The following VPS54 variants were observed in gnomAD, a reference collection of about 807,000 sequenced individuals.
VPS54 encodes VPS54 subunit of GARP complex.
VPS54 carries 45 observed loss-of-function variants against 121.5 expected under a neutral mutation model. The ratio of observed to expected loss-of-function variants is 0.37; its 90% CI spans 0.29 to 0.47. The LOEUF (loss-of-function observed/expected upper bound fraction) is 0.47. Ranked by LOEUF, VPS54 falls within the 20% of genes least tolerant of loss-of-function variation. The pLI, the probability that VPS54 is intolerant of heterozygous loss-of-function variation, is 0.99. For missense variants in VPS54, 1,090 were observed against 1,131.4 expected, an observed-to-expected ratio of 0.96 and a Z score of 0.52; for synonymous variants, 371 against 385.8, an observed-to-expected ratio of 0.96 and a Z score of 0.45.
intron 7 of VPS54, among the ~76,000 whole-genome samples, chr2:63,951,427 G>C (rs1675238315): frequency 6.6e-6 from 1 of 152,166 alleles, no homozygotes; most frequent in African/African-American, 2.4e-5. Flanking sequence ...AAAACTATAA[G>C]AGATCACCTT....
chr2:63,921,124 G>C (rs980592765), intron 13 of VPS54, 82 bp downstream of exon 13: 87 of 1,422,844 alleles, frequency 6.1e-5, no homozygotes, highest in Non-Finnish European at 8.1e-5. Flanking sequence ...TGCATTATGG[G>C]GAACACAGGA....
intron 11 of VPS54, among the ~76,000 whole-genome samples, chr2:63,934,945 C>G (rs950863563): frequency 6.6e-6 from 1 of 152,118 alleles, no homozygotes; most frequent in African/African-American, 2.4e-5. Flanking sequence ...AACTGTTTCT[C>G]CCTTTCTCAA....
At chr2:63,917,847 C>T (rs1021558007) in intron 15 of VPS54, among the ~76,000 whole-genome samples, 1 of 151,872 alleles carries the variant, frequency 6.6e-6, no homozygotes, top group African/African-American at 2.4e-5. Context: ...AGCTATGTAA[C>T]CTTAGACAAG....
At chr2:63,923,783 G>A (rs1257784190) in intron 12 of VPS54, among the ~76,000 whole-genome samples, 1 of 152,082 alleles carries the variant, frequency 6.6e-6, no homozygotes, top group East Asian at 1.9e-4. Context: ...TTACAAAATT[G>A]CAGGTTATTT....
chr2:63,909,062 C>G (rs1673021998), intron 20 of VPS54, among the ~76,000 whole-genome samples: 1 of 152,152 alleles, frequency 6.6e-6, no homozygotes, highest in Non-Finnish European at 1.5e-5. Context: ...ACATGCATGC[C>G]TCATTCATAA....
chr2:63,954,621 G>T (rs1176408553), intron 7 of VPS54, among the ~76,000 whole-genome samples: 1 of 151,986 alleles, frequency 6.6e-6, no homozygotes, highest in Non-Finnish European at 1.5e-5. Flanking sequence ...GATAAATCTA[G>T]ACAGCAATTA....
Position 63,987,245 on chromosome 2 carries a change from C to T in VPS54, c.-20-3226G>A, listed in dbSNP as rs115753661. ...GCATCCATTTTATTTTTGTATATGG[C>T]GAAATAGGGTCCAGTTTCATTGTTC... On this transcript the variant is annotated intron_variant, in intron 1 of 22. Transcript: ENST00000272322. Among the ~76,000 whole-genome samples the T allele has an allele frequency of 4.2e-3, 635 of 152,138 alleles. 6 individuals are homozygous for T. Among genetic ancestry groups the T allele is most frequent in the African/African-American group, 0.014 (580 of 41,512 alleles).
chr2:63,946,680 A>T (rs2104521009), intron 9 of VPS54, among the ~76,000 whole-genome samples: 1 of 152,232 alleles, frequency 6.6e-6, no homozygotes, highest in East Asian at 1.9e-4. Flanking sequence ...TCAGTGGATA[A>T]GATTTATCTG....
intron 7 of VPS54, among the ~76,000 whole-genome samples, chr2:63,953,713 A>G (rs1675366350): frequency 6.6e-6 from 1 of 152,220 alleles, no homozygotes; most frequent in South Asian, 2.1e-4. Flanking sequence ...ATGGATGGAT[A>G]GATAGATACA....
chr2:63,983,740 C>A lies in VPS54; in HGVS notation c.136+124G>T, dbSNP rs1296877401. The A allele has an allele frequency of 1.5e-5, 19 of 1,286,490 alleles. 1 individual carries two copies. The East Asian group carries it at 3.5e-4, about 24-fold the overall frequency. 79.7% of individuals were successfully genotyped at this position (1,286,490 alleles called of 1,614,324 possible). A position where few individuals can be genotyped will look rare whatever the true frequency, so the allele number is the denominator to read the frequency against. ...TACAGGCGTGAGCCACCGTGCCCGGCCCCCCCAAATGATTTTTAACATCAT... is the reference window on the plus strand; with the variant it reads ...TACAGGCGTGAGCCACCGTGCCCGGACCCCCCAAATGATTTTTAACATCAT... On this transcript the variant is annotated intron_variant, in intron 2 of 22. Transcript: ENST00000272322.
chr2:63,994,742 T>C (rs1283227586), intron 1 of VPS54, among the ~76,000 whole-genome samples: 1 of 152,204 alleles, frequency 6.6e-6, no homozygotes, highest in African/African-American at 2.4e-5. Context: ...AATATAAACC[T>C]GCAGGAAAAC....
At chr2:63,967,985 T>C (rs759244319) in intron 5 of VPS54, among the ~76,000 whole-genome samples, 2 of 152,086 alleles carry the variant, frequency 1.3e-5, no homozygotes, top group Non-Finnish European at 2.9e-5. Flanking sequence ...AAAAAAAAGT[T>C]TGGCTGAAGT....
Position 63,966,898 on chromosome 2 carries a change from G to A in VPS54, c.493-932C>T, listed in dbSNP as rs149787716. Among the ~76,000 whole-genome samples the A allele has an allele frequency of 5.2e-3, 790 of 152,232 alleles. 1 individual carries two copies. Among genetic ancestry groups the A allele is most frequent in the Middle Eastern group, 0.044 (13 of 294 alleles). On this transcript the variant is annotated intron_variant, in intron 5 of 22. Coordinates refer to ENST00000272322, the MANE Select transcript of VPS54 (RefSeq NM_016516.3). ...TACATACATACTTCTGGCCTAGAAC[G>A]CCTTTTCTTGTACATCTTCCTGAAG...
rs547738511 is a variant in VPS54, at chr2:64,001,295, T to C, written c.-20-17276A>G. On this transcript the variant is annotated intron_variant, in intron 1 of 22. Coordinates refer to ENST00000272322, the MANE Select transcript of VPS54 (RefSeq NM_016516.3). ...AAGCTCCCCTCTGGTCCAGGGCAGG[T>C]CCAGAAATGCTGTCCAAGAGCCAAG... Among the ~76,000 whole-genome samples, 34 of 152,206 alleles carry C rather than the reference T, an allele frequency of 2.2e-4. No homozygotes were observed. In the South Asian group the frequency reaches 6.0e-3, roughly 27 times the overall value.
At chr2:63,979,292 T>G (rs1461577888) in intron 3 of VPS54, among the ~76,000 whole-genome samples, 3 of 150,894 alleles carry the variant, frequency 2.0e-5, no homozygotes, top group African/African-American at 7.3e-5. Flanking sequence ...CAGGCTAGAG[T>G]GCAATGGTGC....
chr2:63,984,386 T>C (rs1676944841), intron 1 of VPS54, among the ~76,000 whole-genome samples: 1 of 152,222 alleles, frequency 6.6e-6, no homozygotes, highest in African/African-American at 2.4e-5. Flanking sequence ...CTTAGGTCCA[T>C]CTATGTTTAC....
chr2:63,989,061 T>C (rs1677191766), intron 1 of VPS54, among the ~76,000 whole-genome samples: 1 of 152,120 alleles, frequency 6.6e-6, no homozygotes, highest in African/African-American at 2.4e-5. Context: ...CAGTTGTAGA[T>C]AGGGATGAAA....
chr2:63,908,619 C>T (rs1673007001), intron 20 of VPS54, among the ~76,000 whole-genome samples: 1 of 152,134 alleles, frequency 6.6e-6, no homozygotes, highest in South Asian at 2.1e-4. Context: ...ATCTTTCCAC[C>T]ATATCTCCCA....
At chr2:63,942,631 G>C (rs1039693332) in intron 10 of VPS54, 70 bp from the exon 11 acceptor site, 2 of 1,255,632 alleles carry the variant, frequency 1.6e-6, no homozygotes, top group African/African-American at 3.1e-5. Flanking sequence ...CTACAAACTG[G>C]AAGAAATGAG....
Sources: allele counts gnomAD v4.1 joint callset (sites outside exome capture counted in the v4.1 genomes callset), GRCh38; gene constraint gnomAD v4.1.1; transcripts MANE v1.5; gene names NCBI Gene and HGNC (gene_info 2026-07-23, HGNC 2026-07-21).